Variants in SV2B observed in about 807,000 individuals in gnomAD.
The protein encoded by SV2B is solute carrier family 22 member B2.
Under a neutral mutation model 73.9 loss-of-function variants are expected in SV2B, and 41 were observed. The observed-to-expected ratio is 0.56, with a 90% confidence interval of 0.43 to 0.72. The LOEUF is 0.72. Ranked by LOEUF, SV2B falls within the 30% of genes least tolerant of loss-of-function variation. The pLI, the probability that SV2B is intolerant of heterozygous loss-of-function variation, is 0.00. For missense variants in SV2B, 764 were observed against 857.8 expected (o/e 0.89, Z 1.37); for synonymous variants, 314 against 314.2 (o/e 1.00, Z 0.01).
chr15:91,291,508 T>C (rs1301073125), intron 12 of SV2B, among the ~76,000 whole-genome samples: 1 of 152,164 alleles, frequency 6.6e-6, no homozygotes, highest in Non-Finnish European at 1.5e-5. Context: ...TGCATACAGA[T>C]GGGGTCATGA....
At position 91,136,461 on chromosome 15, in the gene SV2B, TGGGAAG is replaced by T. The variant is rs1353044154; in HGVS notation, c.-392+36100_-392+36105del. Among the ~76,000 whole-genome samples the T allele has an allele frequency of 6.6e-6, 1 of 152,112 alleles. No homozygotes were observed. The highest frequency in any genetic ancestry group is 6.5e-5 in the Admixed American group (1 of 15,280). On this transcript the variant is annotated intron_variant, in intron 1 of 12. Transcript: ENST00000394232. The surrounding 1 kb of genome is among the most constrained non-coding windows in gnomAD (Gnocchi z 5.6). ...GCCCATCCAGCTAGTGGAGAACCAG[TGGGAAG>T]GCCCATGCGTCTCGGGTGCTTTGTC... is the stretch of plus-strand genomic sequence containing the variant.
intron 6 of SV2B, 26 bp downstream of exon 6, chr15:91,260,435 A>G (rs750977992): frequency 3.2e-6 from 5 of 1,565,084 alleles, no homozygotes; most frequent in Non-Finnish European, 4.3e-6. Flanking sequence ...CCTGCCAATA[A>G]GAAGGGGGTT....
chr15:91,100,418 C>T lies in SV2B; in HGVS notation c.-392+55C>T, dbSNP rs2041689340. ...AACCGACCCAGCCGGGGCGCGGACC[C>T]CGCGTGCGCCAGGGCTCCCAGACTC... On this transcript the variant is annotated intron_variant, in intron 1 of 12. Coordinates refer to ENST00000394232, the MANE Select transcript of SV2B (RefSeq NM_001323032.3). The surrounding 1 kb of genome is among the most constrained non-coding windows in gnomAD (Gnocchi z 6.4). The T allele has an allele frequency of 6.6e-6, 1 of 152,368 alleles. No individual in the cohort carries two copies. Among genetic ancestry groups the T allele is most frequent in the Non-Finnish European group, 1.5e-5 (1 of 68,132 alleles). The allele number at this position is 152,368 out of a possible 1,614,324, so 9.4% of individuals were successfully genotyped here.
At position 91,239,713 on chromosome 15, in the gene SV2B, G is replaced by C. The variant is rs570121320; in HGVS notation, c.452-12106G>C. Among the ~76,000 whole-genome samples, 3 of 152,180 alleles carry C rather than the reference G, an allele frequency of 2.0e-5. No individual in the cohort carries two copies. The South Asian group carries it at 6.3e-4, about 32-fold the overall frequency. ...GGCAGCATGTGTATAGGGTGCATTT[G>C]GCTTCTGGTAACAATAGCTTTGAAT... On this transcript the variant is annotated intron_variant, in intron 2 of 12. Transcript: ENST00000394232. This position sits in a 1 kb window ranked among gnomAD's most constrained non-coding sequence, Gnocchi z 5.1.
At chr15:91,170,290 T>G (rs894579716) in intron 1 of SV2B, among the ~76,000 whole-genome samples, 19 of 149,428 alleles carry the variant, frequency 1.3e-4, no homozygotes, top group Non-Finnish European at 5.9e-5. Context: ...TTTGTTGGAT[T>G]TTTTTTGTTT....
chr15:91,155,012 C>T (rs2043440346), intron 1 of SV2B, among the ~76,000 whole-genome samples: 1 of 152,106 alleles, frequency 6.6e-6, no homozygotes, highest in South Asian at 2.1e-4. Flanking sequence ...GTGCCTATTA[C>T]TGATTTTTTG....
At chr15:91,138,827 A>C (rs1040016194) in intron 1 of SV2B, among the ~76,000 whole-genome samples, 5 of 152,204 alleles carry the variant, frequency 3.3e-5, no homozygotes, top group Non-Finnish European at 7.3e-5. Flanking sequence ...ACGGTTACTG[A>C]GAGATGACTG....
At position 91,299,690 on chromosome 15, in the gene SV2B, G is replaced by T. The variant is rs1187102900; in HGVS notation, c.*7138G>T. On this transcript the variant is annotated 3_prime_UTR_variant, in exon 13 of 13. Coordinates refer to ENST00000394232, the MANE Select transcript of SV2B (RefSeq NM_001323032.3). ...GACAGAGTCTCACTCTGTCATCTAG[G>T]CTGGAGTGCAGTGGTGCAATCTTGG... 6 of 151,988 alleles carry T rather than the reference G, an allele frequency of 3.9e-5. No individual in the cohort carries two copies. The highest frequency in any genetic ancestry group is 3.9e-4 in the Admixed American group (6 of 15,264). The allele number at this position is 151,988 out of a possible 1,614,324, so 9.4% of individuals were successfully genotyped here.
At chr15:91,135,009 T>A (rs74915072) in intron 1 of SV2B, among the ~76,000 whole-genome samples, 1 of 151,856 alleles carries the variant, frequency 6.6e-6, no homozygotes, top group Middle Eastern at 3.4e-3. Flanking sequence ...TTTTTTTTTT[T>A]TTTATTTTGA....
chr15:91,251,055 T>G (rs892756706), intron 2 of SV2B, among the ~76,000 whole-genome samples: 1 of 152,170 alleles, frequency 6.6e-6, no homozygotes, highest in African/African-American at 2.4e-5. Flanking sequence ...TCAAATATAC[T>G]ACAAAACTGT....
chr15:91,142,547 G>A (rs1325460495), intron 1 of SV2B, among the ~76,000 whole-genome samples: 1 of 152,182 alleles, frequency 6.6e-6, no homozygotes, highest in Non-Finnish European at 1.5e-5. Flanking sequence ...GAAATGATAA[G>A]ATCCTATGAC....
At chr15:91,169,166 T>C (rs1055847747) in intron 1 of SV2B, among the ~76,000 whole-genome samples, 1 of 152,220 alleles carries the variant, frequency 6.6e-6, no homozygotes, top group African/African-American at 2.4e-5. Context: ...CTCCTCCTCA[T>C]GATCGGTTAC....
chr15:91,268,432 C>A lies in SV2B; in HGVS notation c.1209-9C>A. 1 of 1,608,016 alleles carries A rather than the reference C, an allele frequency of 6.2e-7. No homozygotes were observed. Among genetic ancestry groups the A allele is most frequent in the Non-Finnish European group, 8.5e-7 (1 of 1,175,194 alleles). Reference sequence around the variant, plus strand: ...TTGTTGTTGCAACCTTCTGCCTTCTCCACTCCAGTTACTATGGACTGACAG... The same window carrying A: ...TTGTTGTTGCAACCTTCTGCCTTCTACACTCCAGTTACTATGGACTGACAG... On this transcript the variant is annotated splice_polypyrimidine_tract_variant and intron_variant, in intron 8 of 12. Transcript: ENST00000394232. This position sits in a 1 kb window ranked among gnomAD's most constrained non-coding sequence, Gnocchi z 4.4.
chr15:91,260,630 G>A (rs559893289), intron 6 of SV2B, among the ~76,000 whole-genome samples: 13 of 152,274 alleles, frequency 8.5e-5, no homozygotes, highest in Non-Finnish European at 1.6e-4. Flanking sequence ...GCCAGGTGCG[G>A]TGGCTCATGC....
At chr15:91,165,367 A>C (rs761101316) in intron 1 of SV2B, among the ~76,000 whole-genome samples, 2 of 152,220 alleles carry the variant, frequency 1.3e-5, no homozygotes, top group Non-Finnish European at 2.9e-5. Flanking sequence ...TGGTTGTATC[A>C]GTATTGAACG....
In SV2B at chr15:91,139,150, A is replaced by G. The variant is rs1261614287; in HGVS notation, c.-392+38787A>G. ...TACTGATGTGCGTATGGCTAAAATCATATGATGTTGGGCTGTGCTTCACAA... is the reference window on the plus strand; with the variant it reads ...TACTGATGTGCGTATGGCTAAAATCGTATGATGTTGGGCTGTGCTTCACAA... On this transcript the variant is annotated intron_variant, in intron 1 of 12. Coordinates refer to ENST00000394232, the MANE Select transcript of SV2B (RefSeq NM_001323032.3). The surrounding 1 kb of genome is among the most constrained non-coding windows in gnomAD (Gnocchi z 5.2). Among the ~76,000 whole-genome samples the G allele has an allele frequency of 6.6e-6, 1 of 152,238 alleles. No individual in the cohort carries two copies. The highest frequency in any genetic ancestry group is 6.5e-5 in the Admixed American group (1 of 15,282).
chr15:91,268,660 T>C lies in SV2B; in HGVS notation c.1373+55T>C, dbSNP rs1032689878. 11 of 1,573,300 alleles carry C rather than the reference T, an allele frequency of 7.0e-6. No individual in the cohort carries two copies. Among genetic ancestry groups the C allele is most frequent in the Non-Finnish European group, 9.5e-6 (11 of 1,153,892 alleles). On this transcript the variant is annotated intron_variant, in intron 9 of 12. Transcript: ENST00000394232. This position sits in a 1 kb window ranked among gnomAD's most constrained non-coding sequence, Gnocchi z 4.4. ...ATCAGGGTGACAGTCGTGGGGACTGTTATTGGGAGGGAGCCGGAGGGAAGA... is the reference window on the plus strand; with the variant it reads ...ATCAGGGTGACAGTCGTGGGGACTGCTATTGGGAGGGAGCCGGAGGGAAGA...
In SV2B at chr15:91,267,730, A is replaced by G. The variant is rs1325280988; in HGVS notation, c.1208+87A>G. Reference sequence around the variant, plus strand: ...TGAGGATTACAGTGAGTTCTGACTTAGAATTTGTATCAGGTAGGATGCTTT... The same window carrying G: ...TGAGGATTACAGTGAGTTCTGACTTGGAATTTGTATCAGGTAGGATGCTTT... On this transcript the variant is annotated intron_variant, in intron 8 of 12. Coordinates refer to ENST00000394232, the MANE Select transcript of SV2B (RefSeq NM_001323032.3). The surrounding 1 kb of genome is among the most constrained non-coding windows in gnomAD (Gnocchi z 4.3). 1 of 1,114,280 alleles carries G rather than the reference A, an allele frequency of 9.0e-7. No homozygotes were observed. The allele number at this position is 1,114,280 out of a possible 1,614,324, so 69.0% of individuals were successfully genotyped here.
At chr15:91,244,511 A>G (rs1051759356) in intron 2 of SV2B, among the ~76,000 whole-genome samples, 2 of 152,214 alleles carry the variant, frequency 1.3e-5, no homozygotes, top group Non-Finnish European at 2.9e-5. Context: ...CCCAAAAGAA[A>G]GTGTTTACTC....
Sources: gnomAD v4.1 joint callset for allele counts (sites outside exome capture counted in the v4.1 genomes callset) on GRCh38, gnomAD v4.1.1 for gene constraint, Gnocchi (gnomAD v3.1) non-coding constraint, MANE v1.5 for transcripts, NCBI Gene and HGNC (gene_info 2026-07-23, HGNC 2026-07-21) for gene names.